The following LRRTM4 variants were observed in gnomAD, a reference collection of about 807,000 sequenced individuals.
LRRTM4 encodes leucine-rich repeat transmembrane neuronal protein 4.
In LRRTM4, 25 loss-of-function variants were observed where a neutral mutation model predicts 47.6. The observed-to-expected ratio is 0.53, with a 90% confidence interval of 0.38 to 0.73. LRRTM4 has a LOEUF of 0.73. Among genes scored for constraint, LRRTM4 ranks in the 30% least tolerant of loss-of-function variants. The pLI is 0.00. For missense variants in LRRTM4, 638 were observed against 713.4 expected (o/e 0.89, Z 1.20); for synonymous variants, 311 against 269.5 (o/e 1.15, Z -1.51).
intron 3 of LRRTM4, among the ~76,000 whole-genome samples, chr2:77,130,480 T>C (rs1671764874): frequency 6.6e-6 from 1 of 152,124 alleles, no homozygotes; most frequent in African/African-American, 2.4e-5. Context: ...ATTATTTTTG[T>C]TTGTCAGACA....
At position 76,810,416 on chromosome 2, in the gene LRRTM4, AAT is replaced by A. The variant is rs1352662643; in HGVS notation, c.1552-61502_1552-61501del. ...TAAAATAGAATAACTGTTTTCTTAT[AAT>A]CTTATCACACTGAGTTTTATTATTT... On this transcript the variant is annotated intron_variant, in intron 3 of 3. Transcript: ENST00000409884. Among the ~76,000 whole-genome samples the A allele has an allele frequency of 2.0e-5, 3 of 152,288 alleles. No homozygotes were observed. In the East Asian group the frequency reaches 5.8e-4, roughly 29 times the overall value.
chr2:76,774,523 A>C (rs1673873024), intron 3 of LRRTM4, among the ~76,000 whole-genome samples: 1 of 152,178 alleles, frequency 6.6e-6, no homozygotes, highest in African/African-American at 2.4e-5. Context: ...AAATTTAAAA[A>C]AGACAAAATA....
Position 77,029,061 on chromosome 2 carries a change from A to ATATATATATAATATATATATAT in LRRTM4, c.1552-280167_1552-280146dup, listed in dbSNP as rs1180402808. ...CACACACACACACACAAATATATAT[A>ATATATATATAATATATATATAT]TATATATATAATATATATATATTAT... On this transcript the variant is annotated intron_variant, in intron 3 of 3. Coordinates refer to ENST00000409884, the MANE Select transcript of LRRTM4 (RefSeq NM_001134745.3). Among the ~76,000 whole-genome samples the ATATATATATAATATATATATAT allele has an allele frequency of 2.7e-5, 4 of 146,174 alleles. No homozygotes were observed. The East Asian group carries it at 7.9e-4, about 29-fold the overall frequency.
At chr2:77,382,784 C>A (rs747606559) in intron 3 of LRRTM4, among the ~76,000 whole-genome samples, 3 of 151,994 alleles carry the variant, frequency 2.0e-5, no homozygotes, top group African/African-American at 4.8e-5. Flanking sequence ...ATATTTTTCA[C>A]CTTTTTAAAT....
At chr2:76,962,635 A>G (rs910227576) in intron 3 of LRRTM4, among the ~76,000 whole-genome samples, 2 of 150,876 alleles carry the variant, frequency 1.3e-5, no homozygotes, top group Non-Finnish European at 3.0e-5. Flanking sequence ...TAAATGAAAT[A>G]AATTTATAAG....
At chr2:77,036,769 C>A (rs1477791337) in intron 3 of LRRTM4, among the ~76,000 whole-genome samples, 1 of 151,632 alleles carries the variant, frequency 6.6e-6, no homozygotes. Context: ...AAAGAAGAGT[C>A]TTTTCCAGTT....
intron 3 of LRRTM4, among the ~76,000 whole-genome samples, chr2:77,440,287 G>A (rs1396926591): frequency 4.6e-5 from 7 of 152,064 alleles, no homozygotes; most frequent in African/African-American, 1.4e-4. Context: ...GGTGGCGGGC[G>A]CCTGTAGTCC....
At chr2:76,856,442 A>T (rs10520166) in intron 3 of LRRTM4, among the ~76,000 whole-genome samples, 9 of 152,094 alleles carry the variant, frequency 5.9e-5, no homozygotes, top group Non-Finnish European at 1.3e-4. Flanking sequence ...AAAACAAACC[A>T]TGTACTGCTA....
chr2:76,764,504 G>A (rs1204061292), intron 3 of LRRTM4, among the ~76,000 whole-genome samples: 2 of 152,032 alleles, frequency 1.3e-5, no homozygotes, highest in Non-Finnish European at 2.9e-5. Flanking sequence ...GGTGGCGGGC[G>A]CCTATAGTCC....
In LRRTM4 at chr2:76,819,373, C is replaced by T. The variant is rs1258126776; in HGVS notation, c.1552-70457G>A. On this transcript the variant is annotated intron_variant, in intron 3 of 3. Transcript: ENST00000409884. ...TACGCATACTTCCCAAATCAGAAGA[C>T]ATAAGTAGGAAGTAAAATGTGGTCA... Among the ~76,000 whole-genome samples, 14 of 151,724 alleles carry T rather than the reference C, an allele frequency of 9.2e-5. No individual in the cohort carries two copies. The Admixed American group carries it at 9.2e-4, about 10-fold the overall frequency.
Position 77,095,977 on chromosome 2 carries a change from A to T in LRRTM4, c.1552-347061T>A, listed in dbSNP as rs1572958559. 2.0e-5 allele frequency among the ~76,000 whole-genome samples: 3 copies of T among 152,298 alleles called. No individual in the cohort carries two copies. In the South Asian group the frequency reaches 6.2e-4, roughly 32 times the overall value. ...TGACTGCATGGTGACCAGAGTTAAT[A>T]ATAATGTATTCTATACTTCAAAATT... is the stretch of plus-strand genomic sequence containing the variant. On this transcript the variant is annotated intron_variant, in intron 3 of 3. Coordinates refer to ENST00000409884, the MANE Select transcript of LRRTM4 (RefSeq NM_001134745.3).
At chr2:76,922,529 G>T (rs1335661574) in intron 3 of LRRTM4, among the ~76,000 whole-genome samples, 1 of 152,026 alleles carries the variant, frequency 6.6e-6, no homozygotes, top group African/African-American at 2.4e-5. Context: ...ATGAGATTTG[G>T]GTGGGGGCAC....
At chr2:77,333,950 G>A (rs1331035780) in intron 3 of LRRTM4, among the ~76,000 whole-genome samples, 18 of 152,188 alleles carry the variant, frequency 1.2e-4, no homozygotes, top group Admixed American at 5.2e-4. Flanking sequence ...ATGGGAACCC[G>A]CCTGTTGCAT....
chr2:77,210,131 C>T (rs563893471), intron 3 of LRRTM4, among the ~76,000 whole-genome samples: 63 of 152,236 alleles, frequency 4.1e-4, no homozygotes, highest in African/African-American at 7.2e-4. Context: ...ATTTCTGACA[C>T]GCCAAGGAAT....
At chr2:77,442,235 T>C (rs1415970621) in intron 3 of LRRTM4, among the ~76,000 whole-genome samples, 1 of 152,178 alleles carries the variant, frequency 6.6e-6, no homozygotes, top group African/African-American at 2.4e-5. Context: ...CACATCATTA[T>C]ATAAATGAAT....
intron 3 of LRRTM4, among the ~76,000 whole-genome samples, chr2:77,383,002 T>A (rs1673121673): frequency 6.6e-6 from 1 of 151,920 alleles, no homozygotes; most frequent in African/African-American, 2.4e-5. Flanking sequence ...CCATTTGGAG[T>A]GGTAAATTGC....
rs545788143 is a variant in LRRTM4, at chr2:77,236,126, T to C, written c.1551+282192A>G. 3.3e-4 allele frequency among the ~76,000 whole-genome samples: 51 copies of C among 152,268 alleles called. 2 individuals are homozygous for C. The highest frequency in any genetic ancestry group is 3.3e-3 in the Admixed American group (51 of 15,294). On this transcript the variant is annotated intron_variant, in intron 3 of 3. Coordinates refer to ENST00000409884, the MANE Select transcript of LRRTM4 (RefSeq NM_001134745.3). ...GCTTTGGGCAGTATGGTCATTGTAATGACATTGATTCTTCTAATCCATGAA... is the reference window on the plus strand; with the variant it reads ...GCTTTGGGCAGTATGGTCATTGTAACGACATTGATTCTTCTAATCCATGAA...
At chr2:77,290,161 A>G (rs1035710507) in intron 3 of LRRTM4, among the ~76,000 whole-genome samples, 3 of 152,108 alleles carry the variant, frequency 2.0e-5, no homozygotes, top group African/African-American at 7.2e-5. Flanking sequence ...CCCAGTCCAC[A>G]CTAATGTAAA....
At chr2:76,897,482 G>A (rs905649173) in intron 3 of LRRTM4, among the ~76,000 whole-genome samples, 4 of 152,040 alleles carry the variant, frequency 2.6e-5, no homozygotes, top group Non-Finnish European at 4.4e-5. Context: ...TGCTATATAA[G>A]TGTATAATGT....
Sources: gnomAD v4.1 joint callset for allele counts (sites outside exome capture counted in the v4.1 genomes callset) on GRCh38, gnomAD v4.1.1 for gene constraint, MANE v1.5 for transcripts, NCBI Gene and HGNC (gene_info 2026-07-23, HGNC 2026-07-21) for gene names.